IL4I1: variants seen among roughly 807,000 people sequenced by gnomAD.
IL4I1 encodes the protein L-amino-acid oxidase.
Under a neutral mutation model 29.7 loss-of-function variants are expected in IL4I1, and 24 were observed. The ratio of observed to expected loss-of-function variants is 0.81; its 90% CI spans 0.59 to 1.14. The LOEUF (loss-of-function observed/expected upper bound fraction) is 1.14, where lower values mean the gene tolerates loss of function less well. Among genes scored for constraint, IL4I1 ranks in the 50% most tolerant of loss-of-function variants. IL4I1 has a pLI of 0.00. For missense variants in IL4I1, 686 were observed against 785.6 expected (o/e 0.87, Z 1.52); for synonymous variants, 371 against 352.5 (o/e 1.05, Z -0.59).
chr19:49,890,709 T>G (rs1600462898), intron 7 of IL4I1, 109 bp from the exon 8 acceptor site: 2 of 911,966 alleles, frequency 2.2e-6, no homozygotes, highest in Admixed American at 4.1e-5. Context: ...ACCGGCCCGC[T>G]CCCCCGTCAT....
intron 2 of IL4I1, among the ~76,000 whole-genome samples, chr19:49,913,598 TCTC>T (rs1365920165): frequency 6.6e-6 from 1 of 152,246 alleles, no homozygotes; most frequent in Admixed American, 6.5e-5. Flanking sequence ...TCCGCGGGAC[TCTC>T]TCTACCTGCA....
In IL4I1 at chr19:49,893,028, T is replaced by G. The variant is rs576063132; in HGVS notation, c.567+1240A>C. On this transcript the variant is annotated intron_variant, in intron 5 of 7. Transcript: ENST00000391826. ...GGGTGATACACAGGTATAGTGGGTG[T>G]GAGGAACACAGAGCTGGGGGCATGT... 8.6e-5 allele frequency among the ~76,000 whole-genome samples: 13 copies of G among 151,934 alleles called. No homozygotes were observed. In the South Asian group the frequency reaches 2.5e-3, roughly 29 times the overall value.
rs2075103541 is a variant in IL4I1 at position 49,889,771 on chromosome 19, T to C, written c.1603A>G (p.Ser535Gly). ...TTTGCCAGGTCATGCGAGGGGCTGC[T>C]GGCCACCCCATGCACATGCCCCTGC... Reference protein sequence around the residue: ...EGQGHVHGVASSPSHDLAKEE... With the variant: ...EGQGHVHGVAGSPSHDLAKEE... The change falls in exon 8 of 8, where the codon AGC (serine) becomes GGC (glycine). Residue 535 changes from serine (S) to glycine (G), a missense_variant. By Grantham distance (56) the Ser-to-Gly change is moderately conservative. Transcript: ENST00000391826. The C allele has an allele frequency of 6.6e-7, 1 of 1,525,772 alleles. No individual in the cohort carries two copies. Among genetic ancestry groups the C allele is most frequent in the Non-Finnish European group, 8.8e-7 (1 of 1,136,944 alleles). The allele number at this position is 1,525,772 out of a possible 1,614,324, so 94.5% of individuals were successfully genotyped here. A position where few individuals can be genotyped will look rare whatever the true frequency, so the allele number is the denominator to read the frequency against.
chr19:49,915,759 GGT>G (rs2075607577), intron 2 of IL4I1, among the ~76,000 whole-genome samples: 1 of 152,198 alleles, frequency 6.6e-6, no homozygotes, highest in Admixed American at 6.5e-5. Flanking sequence ...AGGAAAGTGA[GGT>G]GTGATTCTGA....
At position 49,909,068 on chromosome 19, in the gene IL4I1, C is replaced by A. The variant is rs750408243; in HGVS notation, c.-227-4747G>T. On this transcript the variant is annotated intron_variant, in intron 2 of 9. Coordinates refer to the IL4I1 transcript ENST00000341114. ...GCCCTGTGTCCCAGCAGTGGGGGCG[C>A]CCGCTGTGGTCACAGGGGTACAGAG... 4 of 1,612,690 alleles carry A rather than the reference C, an allele frequency of 2.5e-6. No homozygotes were observed. The Admixed American group carries it at 5.0e-5, about 20-fold the overall frequency.
At chr19:49,914,597 T>C (rs2075570097) in intron 2 of IL4I1, among the ~76,000 whole-genome samples, 1 of 152,098 alleles carries the variant, frequency 6.6e-6, no homozygotes, top group Non-Finnish European at 1.5e-5. Flanking sequence ...AGATGCGGAA[T>C]CATCTGAATT....
intron 2 of IL4I1, among the ~76,000 whole-genome samples, chr19:49,906,160 A>G (rs1299280620): frequency 6.6e-6 from 1 of 152,144 alleles, no homozygotes; most frequent in African/African-American, 2.4e-5. Context: ...TGCCCATGAC[A>G]TCTGTAACCA....
Position 49,892,373 on chromosome 19 carries a change from C to T in IL4I1, c.568-900G>A, listed in dbSNP as rs192947443. ...CTGGGATTACAGGCGTGAGCCACTG[C>T]GTGCCAGGTACCCGCCTTCTGACTC... On this transcript the variant is annotated intron_variant, in intron 5 of 7. Transcript: ENST00000391826. 2.9e-3 allele frequency among the ~76,000 whole-genome samples: 441 copies of T among 152,258 alleles called. 4 individuals carry two copies. The highest frequency in any genetic ancestry group is 0.01 in the African/African-American group (421 of 41,554).
intron 1 of IL4I1, chr19:49,928,771 G>C (rs187416943): frequency 6.6e-6 from 1 of 152,342 alleles, no homozygotes; most frequent in Non-Finnish European, 1.5e-5. Flanking sequence ...GCAGCTGGGG[G>C]ATGAAGAAGT....
rs1247843134 is a variant in IL4I1 at position 49,890,970 on chromosome 19, C to T, written c.773+1G>A. 10 of 1,335,326 alleles carry T rather than the reference C, an allele frequency of 7.5e-6. No individual in the cohort carries two copies. The highest frequency in any genetic ancestry group is 1.0e-5 in the Non-Finnish European group (10 of 977,070). 82.7% of individuals were successfully genotyped at this position (1,335,326 alleles called of 1,614,324 possible). A position where few individuals can be genotyped will look rare whatever the true frequency, so the allele number is the denominator to read the frequency against. On this transcript the variant is annotated splice_donor_variant, in intron 7 of 7. Coordinates refer to ENST00000391826, the MANE Select transcript of IL4I1 (RefSeq NM_152899.2). LOFTEE classifies it high-confidence loss of function. ...CCCTGCCCGCCAGCCCCGCCCCTTA[C>T]TGGAGTCTGTCGCTGAGGCAGCTGT...
At chr19:49,899,139 C>T (rs1204478164), upstream of IL4I1, among the ~76,000 whole-genome samples, 1 of 152,240 alleles carries the variant, frequency 6.6e-6, no homozygotes, top group Non-Finnish European at 1.5e-5. Flanking sequence ...TCGGGTGGGC[C>T]CCAGGTCCCC....
In IL4I1 at chr19:49,908,950, G is replaced by A. The variant is rs752495361; in HGVS notation, c.-227-4629C>T. 6.4e-7 allele frequency: 1 copy of A among 1,567,384 alleles called. No homozygotes were observed. The highest frequency in any genetic ancestry group is 1.1e-5 in the South Asian group (1 of 88,974). ...TTAAATTCAAGGCAAAGCCGGTGGT[G>A]CTGCTGCTGCTGGTGGTGGTGGCGG... On this transcript the variant is annotated intron_variant, in intron 2 of 9. Coordinates refer to the IL4I1 transcript ENST00000341114.
intron 1 of IL4I1, chr19:49,928,745 G>A (rs1016926638): frequency 2.6e-5 from 4 of 152,210 alleles, no homozygotes; most frequent in Admixed American, 2.6e-4. Flanking sequence ...TAACCCACGA[G>A]GGTTTCTCAG....
At position 49,895,133 on chromosome 19, in the gene IL4I1, G is replaced by A; in HGVS notation, c.300C>T (p.Thr100=). ...ADNRIGGRIF[T]YRDQNTGWIG... The stretch of plus-strand genomic sequence containing the variant: ...TCCAGCCCGTGTTCTGGTCCCGGTA[G>A]GTGAAGATGCGGCCCCCGATCCTGT... The change falls in exon 4 of 8, where the codon ACC becomes ACT. Residue 100 remains threonine, a synonymous_variant. Transcript: ENST00000391826. 6.2e-7 allele frequency: 1 copy of A among 1,613,778 alleles called. No homozygotes were observed. Among genetic ancestry groups the A allele is most frequent in the East Asian group, 2.2e-5 (1 of 44,902 alleles).
upstream of IL4I1, among the ~76,000 whole-genome samples, chr19:49,898,150 G>A (rs989213007): frequency 2.5e-4 from 37 of 150,754 alleles, no homozygotes; most frequent in African/African-American, 8.8e-4. Context: ...GCAAAACCTC[G>A]TCTCTACTAA....
intron 2 of IL4I1, among the ~76,000 whole-genome samples, chr19:49,927,466 T>A (rs989360303): frequency 1.3e-5 from 2 of 152,214 alleles, no homozygotes; most frequent in Non-Finnish European, 2.9e-5. Context: ...AAAGCTGTTC[T>A]AGGCCGCATG....
At chr19:49,919,182 T>G (rs2075704078) in intron 2 of IL4I1, among the ~76,000 whole-genome samples, 1 of 152,104 alleles carries the variant, frequency 6.6e-6, no homozygotes, top group Non-Finnish European at 1.5e-5. Context: ...ATTTTGTGAA[T>G]AGGTAGTATG....
At chr19:49,924,694 G>A (rs1051731553) in intron 2 of IL4I1, among the ~76,000 whole-genome samples, 2 of 152,204 alleles carry the variant, frequency 1.3e-5, no homozygotes, top group African/African-American at 2.4e-5. Flanking sequence ...CGAAGATCTG[G>A]GGAGAAGGGT....
chr19:49,902,531 C>CA (rs1315915425), intron 3 of IL4I1, among the ~76,000 whole-genome samples: 1 of 151,582 alleles, frequency 6.6e-6, no homozygotes, highest in East Asian at 1.9e-4. Context: ...CAAAACAAAA[C>CA]AAAAAAACAG....
Sources: gnomAD v4.1 joint callset for allele counts (sites outside exome capture counted in the v4.1 genomes callset) on GRCh38, gnomAD v4.1.1 for gene constraint, MANE v1.5 for transcripts, NCBI Gene and HGNC (gene_info 2026-07-23, HGNC 2026-07-21) for gene names.